The following TRPM3 variants were observed in gnomAD, a reference collection of about 807,000 sequenced individuals.
The protein encoded by TRPM3 is transient receptor potential cation channel subfamily M member 3.
TRPM3 carries 77 observed loss-of-function variants against 181.2 expected under a neutral mutation model. The ratio of observed to expected loss-of-function variants is 0.42; its 90% CI spans 0.35 to 0.51. TRPM3 has a LOEUF of 0.51. TRPM3 is among the 20% of genes least tolerant of loss of function. TRPM3 has a pLI of 0.01. For synonymous variants in TRPM3, 745 were observed against 796.4 expected (o/e 0.94, Z 1.09); for missense variants, 1,759 against 2,196.7 (o/e 0.80, Z 3.98).
intron 1 of TRPM3, among the ~76,000 whole-genome samples, chr9:71,310,044 T>C: frequency 6.6e-6 from 1 of 152,042 alleles, no homozygotes; most frequent in East Asian, 1.9e-4. Context: ...CTATGAATAT[T>C]TGTAAACTAT....
intron 1 of TRPM3, among the ~76,000 whole-genome samples, chr9:71,271,217 A>G (rs929326619): frequency 2.0e-5 from 3 of 152,140 alleles, no homozygotes; most frequent in Admixed American, 1.3e-4. Context: ...ACGTGTTATG[A>G]AATTATCCCA....
intron 1 of TRPM3, among the ~76,000 whole-genome samples, chr9:71,412,845 A>G (rs182317226): frequency 6.6e-6 from 1 of 152,316 alleles, no homozygotes; most frequent in African/African-American, 2.4e-5. Flanking sequence ...CATGGAACCA[A>G]CCCAAATGTC....
chr9:71,340,604 CA>C (rs1400043859), intron 1 of TRPM3, among the ~76,000 whole-genome samples: 1 of 152,082 alleles, frequency 6.6e-6, no homozygotes, highest in African/African-American at 2.4e-5. Context: ...ACTCCCCAGC[CA>C]TGTAGAACTT....
Position 71,161,516 on chromosome 9 carries a change from C to T in TRPM3, c.183+285137G>A, listed in dbSNP as rs12353273. On this transcript the variant is annotated intron_variant, in intron 1 of 24. Transcript: ENST00000357533. ...CCTTACTTCCTGATATCTGTTGTTA[C>T]GTCCTTGAATAAACCCTAAGCCTTG... Among the ~76,000 whole-genome samples, 661 of 152,194 alleles carry T rather than the reference C, an allele frequency of 4.3e-3. 3 individuals are homozygous for T. Among genetic ancestry groups the T allele is most frequent in the African/African-American group, 0.015 (615 of 41,540 alleles).
chr9:70,601,577 C>T (rs1191500337), intron 20 of TRPM3, among the ~76,000 whole-genome samples: 2 of 152,186 alleles, frequency 1.3e-5, no homozygotes, highest in African/African-American at 4.8e-5. Context: ...CACTGAGCCG[C>T]AGAGGAAAAG....
intron 19 of TRPM3, 68 bp downstream of exon 19, chr9:70,610,541 A>G (rs959251589): frequency 1.3e-6 from 2 of 1,559,688 alleles, no homozygotes; most frequent in Non-Finnish European, 1.7e-6. Context: ...AACCACACAG[A>G]TGCATGAGAA....
At chr9:70,833,644 G>A (rs1392855254) in intron 5 of TRPM3, among the ~76,000 whole-genome samples, 7 of 152,192 alleles carry the variant, frequency 4.6e-5, no homozygotes, top group African/African-American at 1.7e-4. Flanking sequence ...TTTTAAGAGG[G>A]AAGGCAGAGG....
intron 1 of TRPM3, among the ~76,000 whole-genome samples, chr9:71,424,411 G>C (rs1311616441): frequency 6.6e-6 from 1 of 152,046 alleles, no homozygotes. Flanking sequence ...CAGTGTGCTA[G>C]GTGTCAGGAA....
At chr9:70,959,816 G>T (rs1041911882) in intron 1 of TRPM3, among the ~76,000 whole-genome samples, 1 of 152,036 alleles carries the variant, frequency 6.6e-6, no homozygotes, top group Admixed American at 6.6e-5. Flanking sequence ...GAACATCAAC[G>T]TTATAATTTT....
At chr9:71,153,207 A>C (rs1480147288) in intron 1 of TRPM3, among the ~76,000 whole-genome samples, 1 of 152,030 alleles carries the variant, frequency 6.6e-6, no homozygotes, top group Non-Finnish European at 1.5e-5. Flanking sequence ...TTCTATTTTA[A>C]TTACCTTTTT....
chr9:71,032,064 ATATT>A lies in TRPM3; in HGVS notation c.177+89110_177+89113del, dbSNP rs1565024144. Among the ~76,000 whole-genome samples the A allele has an allele frequency of 2.0e-3, 20 of 9,762 alleles. 1 individual carries two copies. Among genetic ancestry groups the A allele is most frequent in the South Asian group, 0.012 (3 of 258 alleles). 6.4% of individuals were successfully genotyped at this position (9,762 alleles called of 152,430 possible). ...TATATATATATTATATATATTATAT[ATATT>A]ATATTATATTATATATATATAATTA... On this transcript the variant is annotated intron_variant, in intron 1 of 25. Transcript: ENST00000677713.
intron 1 of TRPM3, among the ~76,000 whole-genome samples, chr9:70,892,940 C>G (rs1048768503): frequency 6.6e-6 from 1 of 152,058 alleles, no homozygotes; most frequent in African/African-American, 2.4e-5. Flanking sequence ...GCTATATCCA[C>G]AAATAAAATT....
intron 1 of TRPM3, among the ~76,000 whole-genome samples, chr9:71,408,043 G>A (rs1410524560): frequency 6.6e-6 from 1 of 152,134 alleles, no homozygotes; most frequent in African/African-American, 2.4e-5. Context: ...CAAACAGAAA[G>A]GAATAGCATC....
At chr9:70,600,508 C>T (rs1351771849) in intron 20 of TRPM3, among the ~76,000 whole-genome samples, 1 of 152,220 alleles carries the variant, frequency 6.6e-6, no homozygotes, top group East Asian at 1.9e-4. Flanking sequence ...TGCCCTAAGC[C>T]CTAGCCCAGG....
At chr9:71,086,339 A>C (rs1223370170) in intron 1 of TRPM3, among the ~76,000 whole-genome samples, 1 of 151,794 alleles carries the variant, frequency 6.6e-6, no homozygotes, top group Non-Finnish European at 1.5e-5. Flanking sequence ...CTAAAATAAG[A>C]GTTGAAAAAA....
intron 1 of TRPM3, among the ~76,000 whole-genome samples, chr9:70,991,108 A>G (rs2097479731): frequency 6.6e-6 from 1 of 152,144 alleles, no homozygotes; most frequent in South Asian, 2.1e-4. Flanking sequence ...CTTCAGCCTC[A>G]AAATATCCAC....
chr9:70,630,340 G>A (rs1028840109), intron 12 of TRPM3, among the ~76,000 whole-genome samples: 1 of 152,126 alleles, frequency 6.6e-6, no homozygotes, highest in Non-Finnish European at 1.5e-5. Flanking sequence ...TACTCCTTTC[G>A]GCCCACTGGC....
At chr9:71,151,558 TA>T (rs571960939) in intron 1 of TRPM3, among the ~76,000 whole-genome samples, 10 of 151,876 alleles carry the variant, frequency 6.6e-5, no homozygotes, top group Non-Finnish European at 8.8e-5. Context: ...CCATCTTTAT[TA>T]AAAAAAACAT....
intron 8 of TRPM3, among the ~76,000 whole-genome samples, chr9:70,694,150 A>C (rs1283514593): frequency 6.6e-6 from 1 of 152,204 alleles, no homozygotes; most frequent in East Asian, 1.9e-4. Flanking sequence ...AGCCTGTGTC[A>C]CTGGTCACTG....
Sources: allele counts gnomAD v4.1 joint callset (sites outside exome capture counted in the v4.1 genomes callset), GRCh38; gene constraint gnomAD v4.1.1; transcripts MANE v1.5; gene names NCBI Gene and HGNC (gene_info 2026-07-23, HGNC 2026-07-21).